Variants in IMMP2L observed in about 807,000 individuals in gnomAD.
IMMP2L encodes mitochondrial inner membrane protease subunit 2.
In IMMP2L, 18 loss-of-function variants were observed where a neutral mutation model predicts 19.3. The ratio of observed to expected loss-of-function variants is 0.93; its 90% CI spans 0.64 to 1.38. IMMP2L has a LOEUF of 1.38. Ranked by LOEUF, IMMP2L falls within the 40% of genes most tolerant of loss-of-function variation. The pLI is 0.00. For missense variants in IMMP2L, 233 were observed against 218.2 expected (o/e 1.07, Z -0.43); for synonymous variants, 76 against 73.0 (o/e 1.04, Z -0.21).
intron 3 of IMMP2L, among the ~76,000 whole-genome samples, chr7:111,371,182 A>T (rs1830231905): frequency 6.6e-6 from 1 of 151,928 alleles, no homozygotes; most frequent in African/African-American, 2.4e-5. Context: ...GGCAAGTCTT[A>T]CAATCTTCCA....
chr7:111,548,135 A>AATATTATCTCCCTG (rs1849109092), intron 1 of IMMP2L, among the ~76,000 whole-genome samples: 3 of 152,068 alleles, frequency 2.0e-5, no homozygotes, highest in Admixed American at 2.0e-4. Flanking sequence ...TCAGGGAGAG[A>AATATTATCTCCCTG]ATATTATCTA....
At chr7:110,777,485 T>G (rs913193381) in intron 5 of IMMP2L, among the ~76,000 whole-genome samples, 3 of 151,960 alleles carry the variant, frequency 2.0e-5, no homozygotes, top group Non-Finnish European at 2.9e-5. Flanking sequence ...GCTGTTCCAA[T>G]AAGACCCCGT....
chr7:111,047,103 C>G lies in IMMP2L; in HGVS notation c.240-83538G>C, dbSNP rs538399205. On this transcript the variant is annotated intron_variant, in intron 3 of 5. Coordinates refer to ENST00000405709, the MANE Select transcript of IMMP2L (RefSeq NM_032549.4). Reference sequence around the variant, plus strand: ...GTTTCCTGTCTCTATGCTGGAAACACATCGTTACCTCTGCTGGGAATGTCT... The same window carrying G: ...GTTTCCTGTCTCTATGCTGGAAACAGATCGTTACCTCTGCTGGGAATGTCT... 6.6e-5 allele frequency among the ~76,000 whole-genome samples: 10 copies of G among 152,208 alleles called. No homozygotes were observed. In the East Asian group the frequency reaches 1.9e-3, roughly 29 times the overall value.
At chr7:111,127,590 CA>C (rs1262007845) in intron 3 of IMMP2L, among the ~76,000 whole-genome samples, 1 of 152,108 alleles carries the variant, frequency 6.6e-6, no homozygotes, top group African/African-American at 2.4e-5. Flanking sequence ...ACATCTGCTT[CA>C]ATGAGAATGG....
chr7:111,476,053 C>A (rs1300532117), intron 3 of IMMP2L, among the ~76,000 whole-genome samples: 1 of 152,214 alleles, frequency 6.6e-6, no homozygotes, highest in East Asian at 1.9e-4. Flanking sequence ...CCATTTTGAT[C>A]CCTAAAGCTA....
rs1316491388 is a variant in IMMP2L, at chr7:111,227,518, A to G, written c.239+259720T>C. ...AGGAAGCAGTTCCATATGAAACCAGATCTATCTAAAACTGCCTTTGCCAGT... is the reference window on the plus strand; with the variant it reads ...AGGAAGCAGTTCCATATGAAACCAGGTCTATCTAAAACTGCCTTTGCCAGT... On this transcript the variant is annotated intron_variant, in intron 3 of 5. Transcript: ENST00000405709. Among the ~76,000 whole-genome samples, 3 of 152,098 alleles carry G rather than the reference A, an allele frequency of 2.0e-5. No homozygotes were observed. The East Asian group carries it at 5.8e-4, about 29-fold the overall frequency.
intron 3 of IMMP2L, among the ~76,000 whole-genome samples, chr7:111,310,426 A>G (rs557545215): frequency 6.6e-6 from 1 of 152,202 alleles, no homozygotes; most frequent in African/African-American, 2.4e-5. Context: ...ATAGCTTAAA[A>G]TTAACTTTTA....
At chr7:110,858,016 C>A (rs942915829) in intron 5 of IMMP2L, among the ~76,000 whole-genome samples, 1 of 152,032 alleles carries the variant, frequency 6.6e-6, no homozygotes, top group Non-Finnish European at 1.5e-5. Context: ...AGCTCATAAC[C>A]AAACAGATGC....
intron 1 of IMMP2L, among the ~76,000 whole-genome samples, chr7:111,549,022 A>G (rs1849202245): frequency 6.6e-6 from 1 of 152,206 alleles, no homozygotes; most frequent in Admixed American, 6.5e-5. Flanking sequence ...ACACAATGAG[A>G]ATATCCCAAA....
chr7:110,854,134 A>G (rs988916103), intron 5 of IMMP2L, among the ~76,000 whole-genome samples: 13 of 152,024 alleles, frequency 8.6e-5, no homozygotes, highest in Non-Finnish European at 1.5e-4. Flanking sequence ...TATATTTTAA[A>G]TATAGGCATT....
intron 3 of IMMP2L, among the ~76,000 whole-genome samples, chr7:111,198,360 T>C (rs768877487): frequency 9.2e-5 from 14 of 152,250 alleles, no homozygotes; most frequent in Middle Eastern, 3.4e-3. Context: ...AACTACTCAA[T>C]AGCAGAGTGA....
chr7:111,369,426 C>G (rs1013137670), intron 3 of IMMP2L, among the ~76,000 whole-genome samples: 3 of 151,748 alleles, frequency 2.0e-5, no homozygotes, highest in African/African-American at 7.3e-5. Flanking sequence ...CATAATAGTA[C>G]TAGGATTTCA....
At chr7:111,345,319 T>G (rs1219793992) in intron 3 of IMMP2L, among the ~76,000 whole-genome samples, 1 of 152,098 alleles carries the variant, frequency 6.6e-6, no homozygotes, top group Non-Finnish European at 1.5e-5. Context: ...ATCAGGTTCA[T>G]TTCCTCTTGG....
chr7:110,914,818 A>T (rs978248574), intron 4 of IMMP2L, among the ~76,000 whole-genome samples: 4 of 152,162 alleles, frequency 2.6e-5, no homozygotes, highest in African/African-American at 9.7e-5. Context: ...TATTCCATGA[A>T]CTTTTTGAAG....
intron 3 of IMMP2L, among the ~76,000 whole-genome samples, chr7:111,059,575 C>A (rs1284704852): frequency 6.6e-6 from 1 of 152,158 alleles, no homozygotes; most frequent in Non-Finnish European, 1.5e-5. Context: ...ATTATCACCT[C>A]TCTTCTCCCA....
At chr7:110,731,357 ATAAATGT>A (rs1796266748) in intron 5 of IMMP2L, among the ~76,000 whole-genome samples, 1 of 152,198 alleles carries the variant, frequency 6.6e-6, no homozygotes, top group Non-Finnish European at 1.5e-5. Context: ...AAGGTGCTCA[ATAAATGT>A]TAAATGAATG....
intron 3 of IMMP2L, among the ~76,000 whole-genome samples, chr7:111,224,058 T>C (rs759095053): frequency 2.0e-5 from 3 of 152,126 alleles, no homozygotes; most frequent in Non-Finnish European, 2.9e-5. Flanking sequence ...AATTCTGTTC[T>C]GCCACTCACT....
At chr7:111,141,503 T>C (rs1802888003) in intron 3 of IMMP2L, among the ~76,000 whole-genome samples, 1 of 152,108 alleles carries the variant, frequency 6.6e-6, no homozygotes, top group Non-Finnish European at 1.5e-5. Context: ...TATCTTTTTT[T>C]AGGTTGCTTA....
chr7:110,903,560 G>A (rs556815062), intron 4 of IMMP2L, among the ~76,000 whole-genome samples: 1 of 152,116 alleles, frequency 6.6e-6, no homozygotes, highest in South Asian at 2.1e-4. Context: ...ATGTCCTCAA[G>A]TTCATCCACG....
Sources: gnomAD v4.1 joint callset for allele counts (sites outside exome capture counted in the v4.1 genomes callset) on GRCh38, gnomAD v4.1.1 for gene constraint, MANE v1.5 for transcripts, NCBI Gene and HGNC (gene_info 2026-07-23, HGNC 2026-07-21) for gene names.